LINC00305: variants seen among roughly 807,000 people sequenced by gnomAD.
The protein encoded by LINC00305 is long independently transcribed non-coding RNA 305, also known as long intergenic non-protein coding RNA 305.
chr18:64,089,001 G>A (rs1246426033), intron 3 of LINC00305, among the ~76,000 whole-genome samples: 1 of 152,174 alleles, frequency 6.6e-6, no homozygotes, highest in African/African-American at 2.4e-5. Flanking sequence ...TACCTGTGGT[G>A]AGCTATGATC....
rs114482956 is a variant in LINC00305, at chr18:64,123,955, T to C, written n.314+24820A>G. On this transcript the variant is annotated intron_variant and non_coding_transcript_variant, in intron 1 of 3. Coordinates refer to ENST00000666468, the Ensembl canonical transcript of LINC00305. Reference sequence around the variant, plus strand: ...GCCCATCTCTCACCACGTAATCTCTTGGCACACACTGGCTCCCTTCTGCTT... The same window carrying C: ...GCCCATCTCTCACCACGTAATCTCTCGGCACACACTGGCTCCCTTCTGCTT... 2.5e-3 allele frequency among the ~76,000 whole-genome samples: 386 copies of C among 152,242 alleles called. 3 individuals are homozygous for C. Among genetic ancestry groups the C allele is most frequent in the African/African-American group, 9.0e-3 (375 of 41,570 alleles).
At chr18:64,134,780 A>T (rs562312189) in intron 1 of LINC00305, among the ~76,000 whole-genome samples, 2 of 152,322 alleles carry the variant, frequency 1.3e-5, no homozygotes, top group Non-Finnish European at 2.9e-5. Flanking sequence ...AAACTTTTGG[A>T]CTATGAATTA....
At chr18:64,138,296 T>C (rs1011913430) in intron 1 of LINC00305, among the ~76,000 whole-genome samples, 1 of 152,162 alleles carries the variant, frequency 6.6e-6, no homozygotes, top group Non-Finnish European at 1.5e-5. Flanking sequence ...AAGTCCAGAA[T>C]TGTGCTGTAG....
chr18:64,121,419 C>T (rs778438300), intron 1 of LINC00305, among the ~76,000 whole-genome samples: 23 of 151,982 alleles, frequency 1.5e-4, no homozygotes, highest in Non-Finnish European at 2.6e-4. Context: ...TATTTAGCTC[C>T]CACTTATAAG....
At chr18:64,096,869 A>G (rs939012945) in intron 3 of LINC00305, among the ~76,000 whole-genome samples, 2 of 152,014 alleles carry the variant, frequency 1.3e-5, no homozygotes, top group Non-Finnish European at 2.9e-5. Context: ...AAAATGTTTA[A>G]TGAACACAAA....
intron 1 of LINC00305, among the ~76,000 whole-genome samples, chr18:64,124,369 A>T (rs936455307): frequency 5.3e-5 from 8 of 152,054 alleles, no homozygotes; most frequent in Non-Finnish European, 1.0e-4. Flanking sequence ...CTAAAAGATG[A>T]CTACTCTGTG....
chr18:64,101,427 T>A (rs1488363505), intron 1 of LINC00305, among the ~76,000 whole-genome samples: 1 of 152,172 alleles, frequency 6.6e-6, no homozygotes, highest in East Asian at 1.9e-4. Flanking sequence ...TGCTAGCTTC[T>A]GGTGGTTGCT....
chr18:64,104,224 T>C (rs1265431167), intron 1 of LINC00305: 1 of 152,180 alleles, frequency 6.6e-6, no homozygotes, highest in East Asian at 1.9e-4. Context: ...AGATGCATAT[T>C]GTGGGGAGCA....
intron 3 of LINC00305, among the ~76,000 whole-genome samples, chr18:64,090,006 A>G (rs1424183794): frequency 6.6e-6 from 1 of 152,148 alleles, no homozygotes; most frequent in African/African-American, 2.4e-5. Flanking sequence ...CAGGCACACA[A>G]TAGGCAGAGG....
At chr18:64,128,740 C>T (rs2051396542) in intron 1 of LINC00305, among the ~76,000 whole-genome samples, 1 of 152,072 alleles carries the variant, frequency 6.6e-6, no homozygotes, top group Non-Finnish European at 1.5e-5. Flanking sequence ...GATAAATAGT[C>T]ACTGCATTCA....
intron 1 of LINC00305, among the ~76,000 whole-genome samples, chr18:64,108,600 G>A (rs1308041279): frequency 6.6e-6 from 1 of 152,108 alleles, no homozygotes. Context: ...AATGTGAGGT[G>A]ATAAGAAAAT....
chr18:64,104,038 G>A (rs1052619677), intron 1 of LINC00305: 1 of 152,162 alleles, frequency 6.6e-6, no homozygotes, highest in Non-Finnish European at 1.5e-5. Context: ...TTTATTTCTT[G>A]ACAGAAAGAA....
At chr18:64,145,903 G>T (rs1232521600) in intron 1 of LINC00305, among the ~76,000 whole-genome samples, 2 of 151,894 alleles carry the variant, frequency 1.3e-5, no homozygotes, top group Non-Finnish European at 2.9e-5. Flanking sequence ...CTTTTTGTAG[G>T]GTCCACTTGT....
chr18:64,111,458 A>G (rs1041235985), intron 1 of LINC00305, among the ~76,000 whole-genome samples: 4 of 152,242 alleles, frequency 2.6e-5, no homozygotes. Context: ...AATGCAGCTC[A>G]AATGGAAAAT....
intron 1 of LINC00305, among the ~76,000 whole-genome samples, chr18:64,105,125 A>G (rs1472261233): frequency 6.6e-6 from 1 of 152,112 alleles, no homozygotes; most frequent in Non-Finnish European, 1.5e-5. Context: ...TTCTGCTTCA[A>G]CCTGCCATGT....
intron 1 of LINC00305, chr18:64,139,516 A>T (rs1032261322): frequency 6.6e-6 from 1 of 152,206 alleles, no homozygotes; most frequent in African/African-American, 2.4e-5. Flanking sequence ...TCAGTCCAGC[A>T]TTGTCTGAAG....
chr18:64,111,424 G>A (rs1410865933), intron 1 of LINC00305, among the ~76,000 whole-genome samples: 1 of 152,198 alleles, frequency 6.6e-6, no homozygotes, highest in Non-Finnish European at 1.5e-5. Context: ...ATGGGGGAGA[G>A]CATGAGGACA....
At chr18:64,113,657 AC>A (rs1303081848) in intron 1 of LINC00305, among the ~76,000 whole-genome samples, 4 of 152,276 alleles carry the variant, frequency 2.6e-5, no homozygotes, top group Non-Finnish European at 5.9e-5. Context: ...GGGCTATATT[AC>A]CCGAAAGACC....
rs537904600 is a variant in LINC00305 at position 64,141,684 on chromosome 18, C to T, written n.314+7091G>A. Among the ~76,000 whole-genome samples, 6 of 152,314 alleles carry T rather than the reference C, an allele frequency of 3.9e-5. No homozygotes were observed. The South Asian group carries it at 1.2e-3, about 32-fold the overall frequency. On this transcript the variant is annotated intron_variant and non_coding_transcript_variant, in intron 1 of 3. Transcript: ENST00000666468. ...TAAGTTATTAAATATGATAACTCAA[C>T]TCTCTTGTATGTACTGGAACTATTG...
Sources: allele counts gnomAD v4.1 joint callset (sites outside exome capture counted in the v4.1 genomes callset), GRCh38; gene constraint gnomAD v4.1.1; transcripts MANE v1.5; gene names NCBI Gene and HGNC (gene_info 2026-07-23, HGNC 2026-07-21).